ESPN: variants seen among roughly 807,000 people sequenced by gnomAD.
The protein encoded by ESPN is autosomal recessive deafness type 36 protein.
A neutral mutation model predicts 77.7 loss-of-function variants in ESPN; 68 were observed. The ratio of observed to expected loss-of-function variants is 0.87; its 90% confidence interval spans 0.72 to 1.07. ESPN has a LOEUF of 1.07. Ranked by LOEUF, ESPN falls within the 50% of genes least tolerant of loss-of-function variation. The pLI is 0.00. For synonymous variants in ESPN, 449 were observed against 567.1 expected (o/e 0.79, Z 2.96); for missense variants, 1,060 against 1,239.0 (o/e 0.86, Z 2.17).
At position 6,440,811 on chromosome 1, in the gene ESPN, C is replaced by A. The variant is rs888858332; in HGVS notation, c.858+3C>A. ...CCGCCGAGAACGGGGAGCTAGAGGT[C>A]AGCGCGGGCCCGGGGTGGGGGCGCG... On this transcript the variant is annotated splice_donor_region_variant and intron_variant, in intron 4 of 12. Coordinates refer to ENST00000645284, the MANE Select transcript of ESPN (RefSeq NM_031475.3). 3 of 1,482,706 alleles carry A rather than the reference C, an allele frequency of 2.0e-6. No individual in the cohort carries two copies. Among genetic ancestry groups the A allele is most frequent in the Non-Finnish European group, 2.7e-6 (3 of 1,125,374 alleles). The allele number at this position is 1,482,706 out of a possible 1,614,324, so 91.8% of individuals were successfully genotyped here.
At chr1:6,431,422 A>G (rs1429721176) in intron 2 of ESPN, among the ~76,000 whole-genome samples, 1 of 152,124 alleles carries the variant, frequency 6.6e-6, no homozygotes, top group Non-Finnish European at 1.5e-5. Context: ...CAGCCTGACC[A>G]ACATGGTGAA....
At chr1:6,456,049 C>G (rs1644052062) in intron 10 of ESPN, 1 of 397,038 alleles carries the variant, frequency 2.5e-6, no homozygotes, top group Non-Finnish European at 4.4e-6. Context: ...CCCCCGACCT[C>G]AGACTCTCCT....
rs1371280642 is a variant in ESPN at position 6,425,141 on chromosome 1, C to T, written c.186C>T (p.Pro62=). The stretch of plus-strand genomic sequence containing the variant: ...TCCTGGTGGAGGAAGCCGCCCTCCC[C>T]GCCGCGGCCCGCGCCCGCAACGGCG... ...LRFLVEEAAL[P]AAARARNGAT... Residue 62 remains proline (P), a synonymous_variant, in exon 1 of 13, where the codon CCC becomes CCT. Transcript: ENST00000645284. 7.3e-6 allele frequency: 11 copies of T among 1,508,676 alleles called. No individual in the cohort carries two copies. Among genetic ancestry groups the T allele is most frequent in the South Asian group, 1.2e-5 (1 of 81,266 alleles). 93.5% of individuals were successfully genotyped at this position (1,508,676 alleles called of 1,614,324 possible).
intron 3 of ESPN, 47 bp downstream of exon 3, chr1:6,440,487 G>T (rs191234203): frequency 6.8e-7 from 1 of 1,475,524 alleles, no homozygotes; most frequent in African/African-American, 1.5e-5. Flanking sequence ...GGGCGGAGCC[G>T]GCAGGGCGGG....
chr1:6,448,888 C>A lies in ESPN; in HGVS notation c.1712C>A (p.Pro571Gln), dbSNP rs763478520. Reference protein sequence around the residue: ...RGSLEGPSAPPQAALLPGNHV... With the variant: ...RGSLEGPSAPQQAALLPGNHV... ...TCACTCGAAGGCCCCTCCGCTCCCC[C>A]GCAGGCGGCGCTGCTTCCTGGGAAC... Residue 571 changes from proline to glutamine, a missense_variant, in exon 8 of 13, where the codon CCG becomes CAG. Physicochemically the swap from Pro to Gln is moderately conservative, Grantham distance 76. Transcript: ENST00000645284. 1.1e-5 allele frequency: 15 copies of A among 1,331,964 alleles called. No individual in the cohort carries two copies. In the East Asian group the frequency reaches 1.6e-4, roughly 14 times the overall value. 82.5% of individuals were successfully genotyped at this position (1,331,964 alleles called of 1,614,324 possible).
Position 6,440,456 on chromosome 1 carries a change from G to C in ESPN, c.675+16G>C, listed in dbSNP as rs1465385487. On this transcript the variant is annotated intron_variant, in intron 3 of 12. Coordinates refer to ENST00000645284, the MANE Select transcript of ESPN (RefSeq NM_031475.3). The stretch of plus-strand genomic sequence containing the variant: ...CGTGTGGTTGGTGAGCTCCGGGCCC[G>C]GGCGGGGAGCAGGGGAGGCGGGGCG... 2 of 1,536,170 alleles carry C rather than the reference G, an allele frequency of 1.3e-6. No individual in the cohort carries two copies. Among genetic ancestry groups the C allele is most frequent in the East Asian group, 2.4e-5 (1 of 41,020 alleles).
intron 12 of ESPN, 40 bp from the exon 13 acceptor site, chr1:6,459,956 GCCC>G (rs1644127945): frequency 6.2e-7 from 1 of 1,611,880 alleles, no homozygotes. Flanking sequence ...TGGGTATCTG[GCCC>G]CAGACTTCAC....
chr1:6,461,002 C>T (rs183391534), downstream of ESPN: 24 of 388,934 alleles, frequency 6.2e-5, no homozygotes, highest in Admixed American at 4.0e-4. The surrounding 1 kb of genome is among the most constrained non-coding windows in gnomAD (Gnocchi z 6.3). Flanking sequence ...AGAGTGGACT[C>T]GGGAGGGGCA....
intron 10 of ESPN, among the ~76,000 whole-genome samples, chr1:6,453,379 G>A (rs1643988024): frequency 6.6e-6 from 1 of 152,272 alleles, no homozygotes; most frequent in African/African-American, 2.4e-5. Context: ...ACAGCCAGCT[G>A]CAATGGGGAA....
chr1:6,444,442 G>C (rs1487364492), intron 5 of ESPN, 39 bp from the exon 6 acceptor site: 1 of 1,606,380 alleles, frequency 6.2e-7, no homozygotes, highest in Non-Finnish European at 8.5e-7. Flanking sequence ...CGCATCTTGG[G>C]GTATGGTTGT....
Position 6,452,290 on chromosome 1 carries a change from C to T in ESPN, c.2325+194C>T, listed in dbSNP as rs1333569026. Among the ~76,000 whole-genome samples, 8 of 151,866 alleles carry T rather than the reference C, an allele frequency of 5.3e-5. No homozygotes were observed. In the South Asian group the frequency reaches 1.0e-3, roughly 20 times the overall value. On this transcript the variant is annotated intron_variant, in intron 10 of 12. Transcript: ENST00000645284. Reference sequence around the variant, plus strand: ...TGCGATCTCGACTCACTGCAACCTTCGCCTCCCAGGTTCAAATGATTCTCC... The same window carrying T: ...TGCGATCTCGACTCACTGCAACCTTTGCCTCCCAGGTTCAAATGATTCTCC...
chr1:6,460,834 A>ATCTC lies in ESPN; in HGVS notation c.*688_*689insTCTC. 1 of 254,986 alleles carries ATCTC rather than the reference A, an allele frequency of 3.9e-6. No homozygotes were observed. Among genetic ancestry groups the ATCTC allele is most frequent in the Admixed American group, 5.2e-5 (1 of 19,166 alleles). 15.8% of individuals were successfully genotyped at this position (254,986 alleles called of 1,614,324 possible). On this transcript the variant is annotated 3_prime_UTR_variant, in exon 13 of 13. Coordinates refer to ENST00000645284, the MANE Select transcript of ESPN (RefSeq NM_031475.3). ...TTCACTGCCCCGGTGGAGTGAATAG[A>ATCTC]GGATGAGGGGCCCTGACCCTGTGTC...
intron 2 of ESPN, among the ~76,000 whole-genome samples, chr1:6,433,260 C>G (rs1366303123): frequency 3.3e-5 from 5 of 152,126 alleles, no homozygotes; most frequent in African/African-American, 1.2e-4. Context: ...CCGGCCGATA[C>G]GGTGAAACCC....
chr1:6,430,903 A>G (rs1643219855), intron 2 of ESPN, among the ~76,000 whole-genome samples: 1 of 152,194 alleles, frequency 6.6e-6, no homozygotes, highest in Non-Finnish European at 1.5e-5. Context: ...CCCTCCCGGC[A>G]GGAGCTCCAG....
intron 2 of ESPN, among the ~76,000 whole-genome samples, chr1:6,439,646 G>T (rs932031996): frequency 2.6e-5 from 4 of 152,198 alleles, no homozygotes; most frequent in Admixed American, 2.6e-4. Flanking sequence ...CACAGCAGGT[G>T]TGGGGATTCA....
chr1:6,452,843 G>A (rs550814702), intron 10 of ESPN, among the ~76,000 whole-genome samples: 3 of 152,272 alleles, frequency 2.0e-5, no homozygotes, highest in African/African-American at 7.2e-5. Context: ...CAGCTGGCAG[G>A]ATGAGTTGCC....
chr1:6,452,512 C>A (rs563672310), intron 10 of ESPN, among the ~76,000 whole-genome samples: 1 of 152,324 alleles, frequency 6.6e-6, no homozygotes, highest in African/African-American at 2.4e-5. Flanking sequence ...CCAGTCTCCA[C>A]ACACACCCCC....
intron 5 of ESPN, among the ~76,000 whole-genome samples, chr1:6,441,475 T>G: frequency 6.6e-6 from 1 of 152,098 alleles, no homozygotes; most frequent in Non-Finnish European, 1.5e-5. Context: ...CCAGTAACTG[T>G]TAGAGTGGAG....
intron 5 of ESPN, 104 bp from the exon 6 acceptor site, chr1:6,444,377 G>A: frequency 8.8e-7 from 1 of 1,132,956 alleles, no homozygotes; most frequent in Non-Finnish European, 1.3e-6. Context: ...GGTGTGGCTT[G>A]GCCAAGATCC....
Sources: allele counts gnomAD v4.1 joint callset (sites outside exome capture counted in the v4.1 genomes callset), GRCh38; gene constraint gnomAD v4.1.1; non-coding constraint Gnocchi (gnomAD v3.1); transcripts MANE v1.5; gene names NCBI Gene and HGNC (gene_info 2026-07-23, HGNC 2026-07-21).